The following SLC45A1 variants were observed in gnomAD, a reference collection of about 807,000 sequenced individuals.
SLC45A1 encodes the protein proton-associated sugar transporter A.
A neutral mutation model predicts 57.6 loss-of-function variants in SLC45A1; 28 were observed. The observed-to-expected ratio is 0.49, with a 90% CI of 0.36 to 0.67. SLC45A1 has a LOEUF of 0.67. Ranked by LOEUF, SLC45A1 falls within the 30% of genes least tolerant of loss-of-function variation. The probability of loss-of-function intolerance (pLI) is 0.00; values close to 1 mark genes in which losing one functional copy is unlikely to be tolerated. For synonymous variants in SLC45A1, 459 were observed against 471.5 expected, an observed-to-expected ratio of 0.97 and a Z score of 0.34; for missense variants, 814 against 1,041.5, an observed-to-expected ratio of 0.78 and a Z score of 3.01.
In SLC45A1 at chr1:8,335,736, G is replaced by T; in HGVS notation, c.1597+146G>T. On this transcript the variant is annotated intron_variant, in intron 6 of 8. Transcript: ENST00000471889. This position sits in a 1 kb window ranked among gnomAD's most constrained non-coding sequence, Gnocchi z 4.1. ...AACAACAGCACCAAGGGCAGGCCTGGGGTGTGGTGGCTGCCCTGGAGGGCT... is the reference window on the plus strand; with the variant it reads ...AACAACAGCACCAAGGGCAGGCCTGTGGTGTGGTGGCTGCCCTGGAGGGCT... 1 of 932,514 alleles carries T rather than the reference G, an allele frequency of 1.1e-6. No individual in the cohort carries two copies. Among genetic ancestry groups the T allele is most frequent in the Non-Finnish European group, 1.5e-6 (1 of 653,988 alleles). 57.8% of individuals were successfully genotyped at this position (932,514 alleles called of 1,614,324 possible).
Position 8,328,391 on chromosome 1 carries a change from T to G in SLC45A1, c.716-1818T>G, listed in dbSNP as rs1640265996. Among the ~76,000 whole-genome samples the G allele has an allele frequency of 6.6e-6, 1 of 152,218 alleles. No individual in the cohort carries two copies. The highest frequency in any genetic ancestry group is 2.4e-5 in the African/African-American group (1 of 41,458). ...GAAAATGTTGCCGCTTCTCTTCCTC[T>G]TTCCACACGTGCGCTGCTGTGGGCG... is the stretch of plus-strand genomic sequence containing the variant. On this transcript the variant is annotated intron_variant, in intron 4 of 8. Coordinates refer to ENST00000471889, the MANE Select transcript of SLC45A1 (RefSeq NM_001080397.3). This position sits in a 1 kb window ranked among gnomAD's most constrained non-coding sequence, Gnocchi z 4.6.
Position 8,343,127 on chromosome 1 carries a change from A to C in SLC45A1, c.1981-620A>C, listed in dbSNP as rs931874530. Among the ~76,000 whole-genome samples, 2 of 152,160 alleles carry C rather than the reference A, an allele frequency of 1.3e-5. No individual in the cohort carries two copies. Among genetic ancestry groups the C allele is most frequent in the African/African-American group, 4.8e-5 (2 of 41,448 alleles). ...GAGGCCCAGGCTCCCAGGTCACAGC[A>C]ATGCCCACTCACGCAGCACCTTGCA... On this transcript the variant is annotated intron_variant, in intron 8 of 8. Transcript: ENST00000471889. The surrounding 1 kb of genome is among the most constrained non-coding windows in gnomAD (Gnocchi z 7.7).
At chr1:8,336,214 A>T (rs1640606895) in intron 6 of SLC45A1, 1 of 152,206 alleles carries the variant, frequency 6.6e-6, no homozygotes. Flanking sequence ...GATTGAGACC[A>T]TCCTGGCCAA....
Position 8,330,395 on chromosome 1 carries a change from C to T in SLC45A1, c.902C>T (p.Ala301Val). ...RPLRPPSEKR[A>V]AMKSPSLPLP... ...CTGCGGCCGCCGAGTGAGAAGCGGG[C>T]AGCCATGAAGAGCCCCAGCCTCCCG... The change falls in exon 5 of 9, where the codon GCA (alanine) becomes GTA (valine). Residue 301 changes from alanine (A) to valine (V), a missense_variant. Transcript: ENST00000471889. The surrounding 1 kb of genome is among the most constrained non-coding windows in gnomAD (Gnocchi z 8.4). The T allele has an allele frequency of 6.2e-7, 1 of 1,612,798 alleles. No homozygotes were observed. The highest frequency in any genetic ancestry group is 1.3e-5 in the African/African-American group (1 of 75,022).
At position 8,343,634 on chromosome 1, in the gene SLC45A1, AGGCCGCTGTGTGTG is replaced by A; in HGVS notation, c.1981-105_1981-92del. ...GTGCATGTTGGCGCTGAAAAATGTG[AGGCCGCTGTGTGTG>A]GGCCGCTCGGGCCTCCTGGGCTCGC... On this transcript the variant is annotated intron_variant, in intron 8 of 8. Coordinates refer to ENST00000471889, the MANE Select transcript of SLC45A1 (RefSeq NM_001080397.3). The surrounding 1 kb of genome is among the most constrained non-coding windows in gnomAD (Gnocchi z 7.7). The A allele has an allele frequency of 8.6e-7, 1 of 1,166,494 alleles. No homozygotes were observed. The highest frequency in any genetic ancestry group is 1.2e-6 in the Non-Finnish European group (1 of 827,998). 72.3% of individuals were successfully genotyped at this position (1,166,494 alleles called of 1,614,324 possible).
chr1:8,323,711 G>A (rs1035299658), intron 1 of SLC45A1, among the ~76,000 whole-genome samples: 1 of 152,240 alleles, frequency 6.6e-6, no homozygotes, highest in Non-Finnish European at 1.5e-5. Flanking sequence ...AAGGGTTTGT[G>A]TTAAGCCCAT....
At chr1:8,322,874 C>T (rs897580500) in intron 1 of SLC45A1, among the ~76,000 whole-genome samples, 44 of 151,994 alleles carry the variant, frequency 2.9e-4, no homozygotes, top group African/African-American at 9.2e-4. Context: ...ATCCTGGAAC[C>T]CCCCACCCCC....
chr1:8,341,322 G>C (rs1640806174), intron 8 of SLC45A1, among the ~76,000 whole-genome samples: 1 of 151,468 alleles, frequency 6.6e-6, no homozygotes, highest in Admixed American at 6.6e-5. Context: ...ATTACCTGAG[G>C]TCAGGAGTTC....
Position 8,330,515 on chromosome 1 carries a change from C to T in SLC45A1, c.1022C>T (p.Pro341Leu). The change falls in exon 5 of 9, where the codon CCC becomes CTC. Residue 341 changes from proline (P) to leucine (L), a missense_variant. By Grantham distance (98) the Pro-to-Leu change is moderately conservative. Coordinates refer to ENST00000471889, the MANE Select transcript of SLC45A1 (RefSeq NM_001080397.3). This position sits in a 1 kb window ranked among gnomAD's most constrained non-coding sequence, Gnocchi z 8.4. ...ATNFSSPISPPSPLTPKYGSF... is the reference protein window; with the variant it reads ...ATNFSSPISPLSPLTPKYGSF... ...AACTTCTCCAGCCCCATCTCGCCGC[C>T]CAGCCCCCTCACGCCCAAGTACGGC... 6.2e-7 allele frequency: 1 copy of T among 1,613,278 alleles called. No individual in the cohort carries two copies. The highest frequency in any genetic ancestry group is 1.1e-5 in the South Asian group (1 of 91,084).
chr1:8,332,184 A>G (rs1018816737), intron 5 of SLC45A1, among the ~76,000 whole-genome samples: 6 of 152,118 alleles, frequency 3.9e-5, no homozygotes, highest in Non-Finnish European at 7.4e-5. Context: ...TGTGCACCCC[A>G]CTTGTTTCTG....
intron 5 of SLC45A1, 109 bp downstream of exon 5, chr1:8,331,045 G>A: frequency 7.3e-7 from 1 of 1,370,816 alleles, no homozygotes. Flanking sequence ...ATTCCCGGCT[G>A]TTATGGGGGT....
intron 8 of SLC45A1, among the ~76,000 whole-genome samples, chr1:8,342,682 T>C (rs1428834661): frequency 6.6e-6 from 1 of 152,116 alleles, no homozygotes; most frequent in Admixed American, 6.5e-5. Context: ...AAATGCTGCA[T>C]TGAAATATTA....
chr1:8,329,525 A>G (rs1557562061), intron 4 of SLC45A1, among the ~76,000 whole-genome samples: 1 of 152,208 alleles, frequency 6.6e-6, no homozygotes, highest in Non-Finnish European at 1.5e-5. Context: ...TTGGAGGTAA[A>G]TCTGCCCACT....
intron 1 of SLC45A1, among the ~76,000 whole-genome samples, chr1:8,321,841 T>C (rs1162634367): frequency 2.7e-5 from 4 of 148,258 alleles, no homozygotes; most frequent in Non-Finnish European, 5.9e-5. Flanking sequence ...GATGGATGAA[T>C]GGATGTGTGG....
chr1:8,318,153 C>A lies in SLC45A1; in HGVS notation c.-58C>A. ...CGCGGCCGGGCAGGCAGCAGCCCAG[C>A]GGGGACAGGGATGCCTGCCGTCTCC... On this transcript the variant is annotated 5_prime_UTR_variant, in exon 1 of 9. Coordinates refer to ENST00000471889, the MANE Select transcript of SLC45A1 (RefSeq NM_001080397.3). The A allele has an allele frequency of 6.6e-6, 3 of 452,202 alleles. No homozygotes were observed. Among genetic ancestry groups the A allele is most frequent in the Middle Eastern group, 3.7e-4 (1 of 2,714 alleles). The allele number at this position is 452,202 out of a possible 1,614,324, so 28.0% of individuals were successfully genotyped here. A position where few individuals can be genotyped will look rare whatever the true frequency, so the allele number is the denominator to read the frequency against.
chr1:8,324,253 G>T, intron 1 of SLC45A1, 53 bp from the exon 2 acceptor site: 3 of 1,491,650 alleles, frequency 2.0e-6, no homozygotes, highest in East Asian at 4.5e-5. Context: ...AATGTTGGGG[G>T]AGGACTACCC....
rs757409091 is a variant in SLC45A1 at position 8,330,232 on chromosome 1, G to A, written c.739G>A (p.Val247Met). The A allele has an allele frequency of 2.0e-5, 32 of 1,613,708 alleles. No individual in the cohort carries two copies. Among genetic ancestry groups the A allele is most frequent in the Admixed American group, 1.7e-4 (10 of 59,992 alleles). The change falls in exon 5 of 9, where the codon GTG becomes ATG. Residue 247 changes from valine to methionine, a missense_variant. Transcript: ENST00000471889. This position sits in a 1 kb window ranked among gnomAD's most constrained non-coding sequence, Gnocchi z 8.4. ...LAGLGGGFGY[V>M]VGGIHWDKTG... is the part of the protein sequence containing the mutation. ...AGGTCTCGGAGGAGGCTTTGGATACGTGGTCGGCGGAATCCACTGGGATAA... is the reference window on the plus strand; with the variant it reads ...AGGTCTCGGAGGAGGCTTTGGATACATGGTCGGCGGAATCCACTGGGATAA...
In SLC45A1 at chr1:8,324,347, C is replaced by T. The variant is rs376920846; in HGVS notation, c.18C>T (p.Ser6=). The T allele has an allele frequency of 2.5e-6, 4 of 1,612,540 alleles. No individual in the cohort carries two copies. The highest frequency in any genetic ancestry group is 4.5e-5 in the East Asian group (2 of 44,866). Residue 6 remains serine, a synonymous_variant, in exon 2 of 9, where the codon AGC becomes AGT. Coordinates refer to ENST00000471889, the MANE Select transcript of SLC45A1 (RefSeq NM_001080397.3). The part of the protein sequence containing the change: MIPAA[S]STPPGDALFP... Reference sequence around the variant, plus strand: ...TCCCCACGATGATCCCCGCAGCCAGCAGCACCCCGCCGGGAGATGCCCTCT... The same window carrying T: ...TCCCCACGATGATCCCCGCAGCCAGTAGCACCCCGCCGGGAGATGCCCTCT...
rs1455279150 is a variant in SLC45A1, at chr1:8,343,842, C to T, written c.2076C>T (p.Ser692=). The change falls in exon 9 of 9, where the codon TCC becomes TCT. Residue 692 remains serine (S), a synonymous_variant. Transcript: ENST00000471889. This position sits in a 1 kb window ranked among gnomAD's most constrained non-coding sequence, Gnocchi z 7.7. ...CQYFLAQILV[S]LVLGPLTSAV... ...ACTTCCTGGCTCAGATTCTGGTCTC[C>T]CTGGTCCTGGGGCCCCTGACCTCGG... The T allele has an allele frequency of 6.2e-7, 1 of 1,614,156 alleles. No individual in the cohort carries two copies. Among genetic ancestry groups the T allele is most frequent in the South Asian group, 1.1e-5 (1 of 91,080 alleles).
Sources: allele counts gnomAD v4.1 joint callset (sites outside exome capture counted in the v4.1 genomes callset), GRCh38; gene constraint gnomAD v4.1.1; non-coding constraint Gnocchi (gnomAD v3.1); transcripts MANE v1.5; gene names NCBI Gene and HGNC (gene_info 2026-07-23, HGNC 2026-07-21).